RNLS: variants seen among roughly 807,000 people sequenced by gnomAD.
RNLS encodes renalase, FAD dependent amine oxidase.
Under a neutral mutation model 39.8 loss-of-function variants are expected in RNLS, and 39 were observed. The ratio of observed to expected loss-of-function variants is 0.98; its 90% CI spans 0.76 to 1.28. The LOEUF (loss-of-function observed/expected upper bound fraction) is 1.28. Among genes scored for constraint, RNLS ranks in the 50% most tolerant of loss-of-function variants. The pLI, the probability that RNLS is intolerant of heterozygous loss-of-function variation, is 0.00. For synonymous variants in RNLS, 147 were observed against 150.7 expected, an observed-to-expected ratio of 0.98 and a Z score of 0.18; for missense variants, 410 against 413.3, an observed-to-expected ratio of 0.99 and a Z score of 0.07.
chr10:88,549,581 A>G (rs535502904), intron 4 of RNLS, among the ~76,000 whole-genome samples: 5 of 152,116 alleles, frequency 3.3e-5, no homozygotes, highest in Non-Finnish European at 7.4e-5. Flanking sequence ...ATAAATAAAT[A>G]AATTCTTTTC....
intron 6 of RNLS, among the ~76,000 whole-genome samples, chr10:88,296,977 G>A (rs1221594670): frequency 6.6e-6 from 1 of 152,112 alleles, no homozygotes; most frequent in Non-Finnish European, 1.5e-5. Context: ...AATATTTCTA[G>A]TTTGTTCCTT....
chr10:88,387,666 A>G (rs570279881), intron 4 of RNLS, among the ~76,000 whole-genome samples: 20 of 152,326 alleles, frequency 1.3e-4, no homozygotes, highest in Admixed American at 4.6e-4. Flanking sequence ...GGCTCCCAGA[A>G]GTTAAATGGC....
chr10:88,456,492 T>C (rs537702666), intron 4 of RNLS, among the ~76,000 whole-genome samples: 9 of 152,208 alleles, frequency 5.9e-5, no homozygotes, highest in Admixed American at 4.6e-4. Context: ...AAAACCAAAG[T>C]TACACAAATG....
chr10:88,275,266 A>T (rs181914230), intron 6 of RNLS, among the ~76,000 whole-genome samples: 1 of 152,308 alleles, frequency 6.6e-6, no homozygotes, highest in East Asian at 1.9e-4. Context: ...CAGTTATAAA[A>T]AATTCTATCA....
At position 88,338,252 on chromosome 10, in the gene RNLS, T is replaced by C. The variant is rs75977127; in HGVS notation, c.701-23611A>G. Among the ~76,000 whole-genome samples the C allele has an allele frequency of 4.1e-3, 630 of 152,340 alleles. 5 individuals carry two copies. The highest frequency in any genetic ancestry group is 0.028 in the South Asian group (135 of 4,826). On this transcript the variant is annotated intron_variant, in intron 5 of 6. Transcript: ENST00000331772. ...GGCCAAAATGATGGAAACGCTTCCC[T>C]TCAACTGAGCTTTCTCAATCCTTGA...
At chr10:88,380,578 G>A (rs1488621675) in intron 4 of RNLS, among the ~76,000 whole-genome samples, 2 of 151,308 alleles carry the variant, frequency 1.3e-5, no homozygotes, top group African/African-American at 4.9e-5. Flanking sequence ...TAGAGACGGG[G>A]TTTCACTGTG....
chr10:88,581,294 G>GTATATATATATATATATATATATATATA (rs61477690), intron 3 of RNLS, among the ~76,000 whole-genome samples: 4 of 129,870 alleles, frequency 3.1e-5, no homozygotes, highest in African/African-American at 8.9e-5. Flanking sequence ...GTGTGTGTGT[G>GTATATATATATATATATATATATATATA]TATATATATA....
chr10:88,330,191 C>T (rs1847011990), intron 5 of RNLS, among the ~76,000 whole-genome samples: 1 of 149,486 alleles, frequency 6.7e-6, no homozygotes, highest in African/African-American at 2.5e-5. Flanking sequence ...ATTTATAATA[C>T]ATATATATTT....
the RNLS span, among the ~76,000 whole-genome samples, chr10:88,243,942 C>A: frequency 2.6e-5 from 4 of 152,212 alleles, no homozygotes; most frequent in Admixed American, 6.5e-5. Context: ...CCAGCAGCTG[C>A]GTTTGGCCTG....
intron 4 of RNLS, among the ~76,000 whole-genome samples, chr10:88,382,229 G>A (rs947952723): frequency 6.6e-6 from 1 of 152,058 alleles, no homozygotes; most frequent in Admixed American, 6.6e-5. Context: ...GAAGAGAAAA[G>A]TGGACTTCAA....
chr10:88,364,074 C>T (rs1230429625), intron 4 of RNLS, among the ~76,000 whole-genome samples: 1 of 152,076 alleles, frequency 6.6e-6, no homozygotes, highest in Non-Finnish European at 1.5e-5. Flanking sequence ...CTTTCTATCT[C>T]CAATACCCCT....
chr10:88,198,279 G>C, the RNLS span, among the ~76,000 whole-genome samples: 1 of 152,204 alleles, frequency 6.6e-6, no homozygotes, highest in Non-Finnish European at 1.5e-5. Context: ...GCATAGGCTC[G>C]TGCATTTCAG....
intron 5 of RNLS, chr10:88,343,599 A>G: frequency 1.0e-6 from 1 of 985,106 alleles, no homozygotes; most frequent in Non-Finnish European, 1.2e-6. Context: ...GGCTGGGATA[A>G]TTTTCCTCTA....
intron 4 of RNLS, among the ~76,000 whole-genome samples, chr10:88,431,870 C>T (rs548272354): frequency 6.6e-6 from 1 of 151,746 alleles, no homozygotes; most frequent in African/African-American, 2.4e-5. Flanking sequence ...CTGACAATGT[C>T]TTTATGGCCC....
At chr10:88,209,280 T>C in the RNLS span, among the ~76,000 whole-genome samples, 1 of 152,018 alleles carries the variant, frequency 6.6e-6, no homozygotes, top group Non-Finnish European at 1.5e-5. Context: ...ACATTGCAGA[T>C]GTAGTTATTA....
the RNLS span, among the ~76,000 whole-genome samples, chr10:88,262,053 G>A: frequency 2.0e-5 from 3 of 152,192 alleles, no homozygotes; most frequent in African/African-American, 7.2e-5. Flanking sequence ...CCTACACAGA[G>A]GCGGAGGCAG....
intron 6 of RNLS, among the ~76,000 whole-genome samples, chr10:88,292,419 G>C (rs1564666831): frequency 6.6e-6 from 1 of 151,814 alleles, no homozygotes; most frequent in Non-Finnish European, 1.5e-5. Flanking sequence ...TAGATTTTTA[G>C]TTTTTATTCC....
At chr10:88,444,327 C>T (rs1467525719) in intron 4 of RNLS, among the ~76,000 whole-genome samples, 3 of 152,084 alleles carry the variant, frequency 2.0e-5, no homozygotes, top group African/African-American at 4.8e-5. Context: ...CTGTACGTCA[C>T]CATCATCAAA....
At chr10:88,581,755 A>G in intron 2 of RNLS, 46 bp from the exon 3 acceptor site, 1 of 1,286,554 alleles carries the variant, frequency 7.8e-7, no homozygotes, top group Non-Finnish European at 1.0e-6. Context: ...TATACCATGA[A>G]TAGCTCTAAA....
Sources: allele counts gnomAD v4.1 joint callset (sites outside exome capture counted in the v4.1 genomes callset), GRCh38; gene constraint gnomAD v4.1.1; transcripts MANE v1.5; gene names NCBI Gene and HGNC (gene_info 2026-07-23, HGNC 2026-07-21).